Variants in CNTN5 observed in about 807,000 individuals in gnomAD.
CNTN5 encodes the protein contactin 5, also known as contactin-5.
CNTN5 carries 77 observed loss-of-function variants against 129.1 expected under a neutral mutation model. That is an observed-to-expected ratio of 0.60 (90% CI 0.50 to 0.72). The LOEUF (loss-of-function observed/expected upper bound fraction) is 0.72. Ranked by LOEUF, CNTN5 falls within the 30% of genes least tolerant of loss-of-function variation. CNTN5 has a pLI of 0.00. For missense variants in CNTN5, 1,478 were observed against 1,328.8 expected (o/e 1.11, Z -1.75); for synonymous variants, 509 against 465.6 (o/e 1.09, Z -1.20).
At chr11:100,185,907 G>A (rs994327044) in intron 13 of CNTN5, among the ~76,000 whole-genome samples, 1 of 152,158 alleles carries the variant, frequency 6.6e-6, no homozygotes, top group African/African-American at 2.4e-5. Flanking sequence ...TCAGAATTGT[G>A]AGGAAATAAA....
intron 18 of CNTN5, among the ~76,000 whole-genome samples, chr11:100,288,053 G>C (rs1414816039): frequency 6.6e-6 from 1 of 151,988 alleles, no homozygotes; most frequent in Admixed American, 6.6e-5. Context: ...AACAAGAAGA[G>C]CTAACTATCC....
intron 9 of CNTN5, among the ~76,000 whole-genome samples, chr11:100,013,283 C>G (rs1168127924): frequency 6.6e-6 from 1 of 152,060 alleles, no homozygotes; most frequent in Non-Finnish European, 1.5e-5. Flanking sequence ...CCAGACTTCA[C>G]CACTACACAA....
intron 3 of CNTN5, among the ~76,000 whole-genome samples, chr11:99,716,031 A>AG (rs1271785513): frequency 6.6e-6 from 1 of 151,602 alleles, no homozygotes; most frequent in Admixed American, 6.6e-5. Flanking sequence ...AATTTAAAAA[A>AG]AAGTTTGGAA....
chr11:99,802,464 A>C (rs1376026795), intron 3 of CNTN5, among the ~76,000 whole-genome samples: 2 of 152,152 alleles, frequency 1.3e-5, no homozygotes, highest in Non-Finnish European at 2.9e-5. Context: ...TGCAAGGGAG[A>C]AACCACTGGG....
At chr11:99,586,757 TTATCCA>T (rs1458882568) in intron 3 of CNTN5, among the ~76,000 whole-genome samples, 1 of 152,190 alleles carries the variant, frequency 6.6e-6, no homozygotes, top group Admixed American at 6.5e-5. Context: ...ATAGTGATGA[TTATCCA>T]TATTTTGACT....
At chr11:99,022,357 C>G (rs950581076) in intron 1 of CNTN5, among the ~76,000 whole-genome samples, 1 of 152,088 alleles carries the variant, frequency 6.6e-6, no homozygotes, top group Non-Finnish European at 1.5e-5. Context: ...TACTTATGAC[C>G]ATTACAGGGA....
At chr11:99,693,486 G>A (rs1251631685) in intron 3 of CNTN5, among the ~76,000 whole-genome samples, 1 of 151,816 alleles carries the variant, frequency 6.6e-6, no homozygotes, top group African/African-American at 2.4e-5. Context: ...AGGATGAGAA[G>A]CTGATGAGGT....
At chr11:99,630,589 G>A (rs1304032120) in intron 3 of CNTN5, among the ~76,000 whole-genome samples, 2 of 91,208 alleles carry the variant, frequency 2.2e-5, no homozygotes, top group African/African-American at 6.3e-5. Flanking sequence ...AATTTCTCAA[G>A]ACAAAAATCT....
intron 8 of CNTN5, among the ~76,000 whole-genome samples, chr11:99,982,760 C>T (rs1938427741): frequency 6.6e-6 from 1 of 152,098 alleles, no homozygotes; most frequent in Non-Finnish European, 1.5e-5. Flanking sequence ...CCTGCCTCTG[C>T]CTCCCGAGTA....
intron 2 of CNTN5, among the ~76,000 whole-genome samples, chr11:99,447,277 T>C (rs567421413): frequency 1.3e-5 from 2 of 152,346 alleles, no homozygotes; most frequent in Admixed American, 1.3e-4. Context: ...AATTATTCTC[T>C]ACTGCACAAC....
intron 9 of CNTN5, among the ~76,000 whole-genome samples, chr11:100,020,664 A>G (rs1057240954): frequency 6.6e-6 from 1 of 152,116 alleles, no homozygotes; most frequent in South Asian, 2.1e-4. Flanking sequence ...ACATAATCTT[A>G]TATGCAGAAA....
intron 1 of CNTN5, among the ~76,000 whole-genome samples, chr11:99,119,607 T>C (rs945270009): frequency 6.6e-6 from 1 of 152,224 alleles, no homozygotes; most frequent in African/African-American, 2.4e-5. Context: ...TACGCATACA[T>C]GTGTCTTTAT....
chr11:100,322,000 T>TTG (rs150961221), intron 21 of CNTN5, among the ~76,000 whole-genome samples: 2 of 152,182 alleles, frequency 1.3e-5, no homozygotes, highest in South Asian at 2.1e-4. Flanking sequence ...ATAGATATTT[T>TTG]TGTGTGTGTG....
At chr11:99,839,969 G>T (rs1315703838) in intron 4 of CNTN5, among the ~76,000 whole-genome samples, 1 of 151,964 alleles carries the variant, frequency 6.6e-6, no homozygotes, top group African/African-American at 2.4e-5. Flanking sequence ...AAGACTGAAA[G>T]TTAAAAAGGC....
intron 1 of CNTN5, among the ~76,000 whole-genome samples, chr11:99,181,072 G>T (rs1013493074): frequency 2.0e-5 from 3 of 152,156 alleles, no homozygotes; most frequent in African/African-American, 7.2e-5. Context: ...GGATTGTACC[G>T]GTGGCAGGGG....
At chr11:99,840,923 A>T (rs1377725018) in intron 4 of CNTN5, among the ~76,000 whole-genome samples, 1 of 152,152 alleles carries the variant, frequency 6.6e-6, no homozygotes, top group African/African-American at 2.4e-5. Flanking sequence ...TGAATAAAAA[A>T]TGTATCTCAG....
chr11:99,182,035 T>C (rs2135567416), intron 1 of CNTN5, among the ~76,000 whole-genome samples: 1 of 152,292 alleles, frequency 6.6e-6, no homozygotes, highest in Non-Finnish European at 1.5e-5. Context: ...CTTAAACTTA[T>C]TGTAATCCAC....
chr11:99,852,567 A>T (rs1357019194), intron 6 of CNTN5, among the ~76,000 whole-genome samples: 1 of 152,208 alleles, frequency 6.6e-6, no homozygotes, highest in Admixed American at 6.5e-5. Flanking sequence ...CTTTTACATA[A>T]ATCATAAATT....
At chr11:100,232,218 G>A (rs1389690484) in intron 16 of CNTN5, among the ~76,000 whole-genome samples, 1 of 152,106 alleles carries the variant, frequency 6.6e-6, no homozygotes, top group Non-Finnish European at 1.5e-5. Flanking sequence ...GGAATGGAAT[G>A]CTGAGAAACA....
Sources: gnomAD v4.1 joint callset for allele counts (sites outside exome capture counted in the v4.1 genomes callset) on GRCh38, gnomAD v4.1.1 for gene constraint, MANE v1.5 for transcripts, NCBI Gene and HGNC (gene_info 2026-07-23, HGNC 2026-07-21) for gene names.